CAST: variants seen among roughly 807,000 people sequenced by gnomAD.
CAST encodes the protein calpastatin.
A neutral mutation model predicts 119.6 loss-of-function variants in CAST; 76 were observed. That is an observed-to-expected ratio of 0.64 (90% confidence interval 0.53 to 0.77). CAST has a LOEUF of 0.77. Ranked by LOEUF, CAST falls within the 30% of genes least tolerant of loss-of-function variation. CAST has a pLI of 0.00. For missense variants in CAST, 953 were observed against 946.5 expected, an observed-to-expected ratio of 1.01 and a Z score of -0.09; for synonymous variants, 319 against 331.6, an observed-to-expected ratio of 0.96 and a Z score of 0.41.
chr5:96,617,319 C>T (rs1374459314), intron 1 of CAST, among the ~76,000 whole-genome samples: 1 of 152,062 alleles, frequency 6.6e-6, no homozygotes, highest in African/African-American at 2.4e-5. Flanking sequence ...AGGCTAGGAA[C>T]CCCCAACAAA....
the CAST span, among the ~76,000 whole-genome samples, chr5:96,282,877 C>G: frequency 6.6e-6 from 1 of 151,940 alleles, no homozygotes; most frequent in Admixed American, 6.6e-5. Context: ...CGCTTGTAAT[C>G]CCAGCACTTT....
chr5:96,184,492 T>C, the CAST span, among the ~76,000 whole-genome samples: 1 of 152,144 alleles, frequency 6.6e-6, no homozygotes, highest in Admixed American at 6.6e-5. Context: ...TTAGCTGTTC[T>C]TCCTGACACT....
the CAST span, among the ~76,000 whole-genome samples, chr5:95,963,725 C>CTTTT: frequency 2.3e-3 from 293 of 129,952 alleles, 6 homozygotes; most frequent in African/African-American, 8.1e-3. Context: ...TTCTCTCTCT[C>CTTTT]TTTTTTTTTT....
At chr5:96,149,651 A>G in the CAST span, among the ~76,000 whole-genome samples, 59 of 152,284 alleles carry the variant, frequency 3.9e-4, no homozygotes, top group African/African-American at 1.3e-3. Flanking sequence ...TCTGAATATC[A>G]CTGACCCAGA....
At chr5:96,616,785 CACACACACACAT>C (rs1303029316) in intron 1 of CAST, among the ~76,000 whole-genome samples, 2 of 150,778 alleles carry the variant, frequency 1.3e-5, no homozygotes, top group East Asian at 2.0e-4. Flanking sequence ...CACACACACA[CACACACACACAT>C]ATACATATAC....
At chr5:96,306,794 T>C in the CAST span, among the ~76,000 whole-genome samples, 1 of 152,220 alleles carries the variant, frequency 6.6e-6, no homozygotes, top group South Asian at 2.1e-4. Context: ...TCCAATTTGA[T>C]TGCCTGGTGG....
At position 96,729,156 on chromosome 5, in the gene CAST, T is replaced by A; in HGVS notation, c.382T>A (p.Ser128Thr). Residue 128 changes from serine to threonine, a missense_variant, in exon 7 of 32, where the codon TCT becomes ACT. Coordinates refer to ENST00000675179, the MANE Select transcript of CAST (RefSeq NM_001750.7). ...PEKKSQSTKL[S>T]VVHEKKSQEG... ...TTTAATCTTTTGAAATTGACAGCTG[T>A]CTGTGGTTCATGAGAAAAAATCCCA... 6.3e-7 allele frequency: 1 copy of A among 1,586,426 alleles called. No individual in the cohort carries two copies. The highest frequency in any genetic ancestry group is 8.7e-7 in the Non-Finnish European group (1 of 1,155,902).
upstream of CAST, among the ~76,000 whole-genome samples, chr5:96,526,100 A>C (rs1195203564): frequency 6.6e-6 from 1 of 152,242 alleles, no homozygotes; most frequent in Non-Finnish European, 1.5e-5. Flanking sequence ...CAGTGTTCTC[A>C]AGAGATTTTT....
At chr5:96,675,689 A>C in intron 2 of CAST, 88 bp downstream of exon 2, 2 of 954,288 alleles carry the variant, frequency 2.1e-6, no homozygotes, top group Non-Finnish European at 3.2e-6. Flanking sequence ...TGTAGCAAAG[A>C]GCTTCTACCT....
chr5:96,396,308 C>A, the CAST span, among the ~76,000 whole-genome samples: 1 of 152,150 alleles, frequency 6.6e-6, no homozygotes, highest in Non-Finnish European at 1.5e-5. Flanking sequence ...CACCTGTAAT[C>A]CCACCACTTT....
the CAST span, among the ~76,000 whole-genome samples, chr5:96,492,998 C>CA: frequency 6.6e-6 from 1 of 152,050 alleles, no homozygotes; most frequent in Middle Eastern, 3.4e-3. Flanking sequence ...CCCGTTTTTA[C>CA]AAAAACAAAC....
the CAST span, among the ~76,000 whole-genome samples, chr5:96,033,076 A>G: frequency 6.6e-6 from 1 of 152,176 alleles, no homozygotes; most frequent in Non-Finnish European, 1.5e-5. Context: ...CATTTATAAT[A>G]CAAGTATCTA....
intron 1 of CAST, among the ~76,000 whole-genome samples, chr5:96,605,101 T>G (rs549281195): frequency 6.6e-6 from 1 of 152,158 alleles, no homozygotes; most frequent in South Asian, 2.1e-4. Context: ...GGGGGTCAAA[T>G]GTTGATGATG....
At chr5:96,215,562 C>T in the CAST span, 3 of 152,082 alleles carry the variant, frequency 2.0e-5, no homozygotes, top group African/African-American at 7.2e-5. Flanking sequence ...TGGGTCTGAA[C>T]TGTGCAGGTC....
chr5:96,104,744 T>G, the CAST span, among the ~76,000 whole-genome samples: 3 of 137,658 alleles, frequency 2.2e-5, no homozygotes, highest in Non-Finnish European at 4.7e-5. Context: ...ATATGAACTT[T>G]AAAGTAGTTT....
the CAST span, among the ~76,000 whole-genome samples, chr5:96,493,497 A>G: frequency 1.3e-5 from 2 of 152,190 alleles, no homozygotes; most frequent in African/African-American, 4.8e-5. Flanking sequence ...GCAGGCTGCA[A>G]AAATAAACTC....
chr5:96,581,090 T>A (rs1264306539), intron 1 of CAST, among the ~76,000 whole-genome samples: 2 of 152,250 alleles, frequency 1.3e-5, no homozygotes, highest in Non-Finnish European at 2.9e-5. Flanking sequence ...GCTACCCAGT[T>A]TATAACATTT....
At chr5:96,393,660 A>C in the CAST span, among the ~76,000 whole-genome samples, 1 of 152,338 alleles carries the variant, frequency 6.6e-6, no homozygotes, top group South Asian at 2.1e-4. Context: ...ATGAGACTGT[A>C]TAGGTAAGTA....
At chr5:96,600,177 C>T (rs1028727054) in intron 1 of CAST, among the ~76,000 whole-genome samples, 6 of 152,198 alleles carry the variant, frequency 3.9e-5, no homozygotes, top group Non-Finnish European at 8.8e-5. Flanking sequence ...TAGAGTATAT[C>T]GTTCTTGCCA....
Sources: allele counts gnomAD v4.1 joint callset (sites outside exome capture counted in the v4.1 genomes callset), GRCh38; gene constraint gnomAD v4.1.1; transcripts MANE v1.5; gene names NCBI Gene and HGNC (gene_info 2026-07-23, HGNC 2026-07-21).